The following CACNA1C variants were observed in gnomAD, a reference collection of about 807,000 sequenced individuals.
The protein encoded by CACNA1C is calcium voltage-gated channel subunit alpha1 C.
CACNA1C carries 30 observed loss-of-function variants against 229.0 expected under a neutral mutation model. The ratio of observed to expected loss-of-function variants is 0.13; its 90% CI spans 0.10 to 0.18. CACNA1C has a LOEUF of 0.18. Among genes scored for constraint, CACNA1C ranks in the 10% least tolerant of loss-of-function variants. The probability of loss-of-function intolerance (pLI) is 1.00; values close to 1 mark genes in which losing one functional copy is unlikely to be tolerated. For synonymous variants in CACNA1C, 1,114 were observed against 1,132.5 expected, an observed-to-expected ratio of 0.98 and a Z score of 0.33; for missense variants, 1,658 against 2,845.0, an observed-to-expected ratio of 0.58 and a Z score of 9.49.
intron 3 of CACNA1C, among the ~76,000 whole-genome samples, chr12:2,136,640 T>A (rs1375469691): frequency 6.6e-6 from 1 of 151,066 alleles, no homozygotes; most frequent in Non-Finnish European, 1.5e-5. Context: ...GTCCCCAGGC[T>A]GGGTGGTGTC....
chr12:1,971,541 T>G lies in CACNA1C; in HGVS notation c.139+340T>G, dbSNP rs375737072. ...TTCCATATAGACTTCATGTCTGGAT[T>G]TTTTAGGTCCACAAAGACAAGGCAG... On this transcript the variant is annotated intron_variant, in intron 1 of 46. Coordinates refer to the CACNA1C transcript ENST00000682462. The surrounding 1 kb of genome is among the most constrained non-coding windows in gnomAD (Gnocchi z 4.2). 7.2e-5 allele frequency among the ~76,000 whole-genome samples: 11 copies of G among 152,342 alleles called. No individual in the cohort carries two copies. Among genetic ancestry groups the G allele is most frequent in the African/African-American group, 2.6e-4 (11 of 41,576 alleles).
At position 2,610,605 on chromosome 12, in the gene CACNA1C, A is replaced by G; in HGVS notation, c.3623A>G (p.His1208Arg). 6.2e-7 allele frequency: 1 copy of G among 1,614,142 alleles called. No homozygotes were observed. The highest frequency in any genetic ancestry group is 8.5e-7 in the Non-Finnish European group (1 of 1,180,000). ...PLRRYIPKNQHQYKVWYVVNS... is the reference protein window; with the variant it reads ...PLRRYIPKNQRQYKVWYVVNS... Reference sequence around the variant, plus strand: ...CGGAGGTACATCCCCAAGAACCAGCACCAGTACAAAGTGTGGTACGTGGTC... The same window carrying G: ...CGGAGGTACATCCCCAAGAACCAGCGCCAGTACAAAGTGTGGTACGTGGTC... Residue 1208 changes from histidine to arginine, a missense_variant, in exon 28 of 47, where the codon CAC (histidine) becomes CGC (arginine). Physicochemically the swap from His to Arg is conservative, Grantham distance 29. This residue lies in a region of CACNA1C where 67 missense variants were observed against 106.4 expected (regional missense o/e 0.63). Transcript: ENST00000399655.
intron 3 of CACNA1C, among the ~76,000 whole-genome samples, chr12:2,328,303 T>C (rs983520074): frequency 6.6e-6 from 1 of 152,236 alleles, no homozygotes; most frequent in African/African-American, 2.4e-5. Flanking sequence ...AGAGAGCTTC[T>C]GCCCAGTGAG....
intron 8 of CACNA1C, among the ~76,000 whole-genome samples, chr12:2,509,617 T>G (rs1413092745): frequency 6.6e-6 from 1 of 152,222 alleles, no homozygotes; most frequent in Non-Finnish European, 1.5e-5. Context: ...GCACGTGTTT[T>G]CTCTGTGCAG....
At chr12:2,571,058 C>T (rs117350122) in intron 13 of CACNA1C, among the ~76,000 whole-genome samples, 2 of 152,296 alleles carry the variant, frequency 1.3e-5, no homozygotes, top group East Asian at 1.9e-4. Flanking sequence ...CAGAGGCCTA[C>T]GAATGTTAGC....
chr12:2,052,204 AC>A (rs1283748722), upstream of CACNA1C, among the ~76,000 whole-genome samples: 1 of 152,142 alleles, frequency 6.6e-6, no homozygotes, highest in Non-Finnish European at 1.5e-5. Context: ...CTAGTAGAAC[AC>A]GTGCTCGGCT....
intron 3 of CACNA1C, among the ~76,000 whole-genome samples, chr12:2,313,006 C>G (rs1446591783): frequency 2.6e-5 from 4 of 152,138 alleles, no homozygotes; most frequent in Non-Finnish European, 4.4e-5. Flanking sequence ...GTGTCTATGT[C>G]TTCATCTGAG....
intron 3 of CACNA1C, among the ~76,000 whole-genome samples, chr12:2,309,804 A>G (rs551663524): frequency 1.2e-3 from 177 of 152,320 alleles, no homozygotes; most frequent in Middle Eastern, 6.8e-3. Flanking sequence ...CCTTCTGGCG[A>G]CTTACAGTCC....
At position 2,034,232 on chromosome 12, in the gene CACNA1C, G is replaced by C. The variant is rs1004078756; in HGVS notation, c.139+63031G>C. On this transcript the variant is annotated intron_variant, in intron 1 of 46. Transcript: ENST00000682462. This position sits in a 1 kb window ranked among gnomAD's most constrained non-coding sequence, Gnocchi z 4.1. ...GCCCAAACTCACATGCTTAGTGTGG[G>C]AAAGTTAAGATTTTGCCACATCCAA... Among the ~76,000 whole-genome samples, 1 of 152,224 alleles carries C rather than the reference G, an allele frequency of 6.6e-6. No individual in the cohort carries two copies. Among genetic ancestry groups the C allele is most frequent in the Non-Finnish European group, 1.5e-5 (1 of 68,040 alleles).
rs146406275 is a variant in CACNA1C, at chr12:2,164,250, G to A, written c.477+43820G>A. 2.4e-4 allele frequency among the ~76,000 whole-genome samples: 36 copies of A among 152,356 alleles called. No individual in the cohort carries two copies. The East Asian group carries it at 6.9e-3, about 29-fold the overall frequency. On this transcript the variant is annotated intron_variant, in intron 3 of 46. Transcript: ENST00000399655. ...TTCTTTGGGGCCAGACACTGGGTCT[G>A]CTTTCCTTCCTCTCTCACAGTGCCT...
Position 2,646,145 on chromosome 12 carries a change from TAAATA to T in CACNA1C, c.3913-2327_3913-2323del, listed in dbSNP as rs1438725948. Among the ~76,000 whole-genome samples, 2 of 152,212 alleles carry T rather than the reference TAAATA, an allele frequency of 1.3e-5. No individual in the cohort carries two copies. The highest frequency in any genetic ancestry group is 2.9e-5 in the Non-Finnish European group (2 of 68,040). The stretch of plus-strand genomic sequence containing the variant: ...TCAAGTCTTGAAGTGAAATATGACT[TAAATA>T]AATGAGGTCTTAAATGGGAGCTATA... On this transcript the variant is annotated intron_variant, in intron 30 of 46. Transcript: ENST00000399655. This position sits in a 1 kb window ranked among gnomAD's most constrained non-coding sequence, Gnocchi z 4.6.
intron 3 of CACNA1C, among the ~76,000 whole-genome samples, chr12:2,196,256 A>C (rs1312680599): frequency 2.6e-5 from 4 of 152,114 alleles, no homozygotes; most frequent in Non-Finnish European, 5.9e-5. Flanking sequence ...TCTGGCCTGG[A>C]TACTTGTGAT....
intron 7 of CACNA1C, among the ~76,000 whole-genome samples, chr12:2,502,288 C>G (rs533360792): frequency 6.6e-6 from 1 of 152,242 alleles, no homozygotes; most frequent in East Asian, 1.9e-4. Flanking sequence ...AGCTGAGGAC[C>G]TACTATGTGC....
chr12:2,675,782 T>C (rs1469409136), intron 39 of CACNA1C, among the ~76,000 whole-genome samples: 1 of 152,176 alleles, frequency 6.6e-6, no homozygotes, highest in South Asian at 2.1e-4. Flanking sequence ...TTGAGAGCCA[T>C]GCAGAGTGCA....
chr12:2,277,272 TG>T (rs1364783757), intron 3 of CACNA1C, among the ~76,000 whole-genome samples: 1 of 152,116 alleles, frequency 6.6e-6, no homozygotes, highest in East Asian at 1.9e-4. Flanking sequence ...TTCTTATAGT[TG>T]TTTCTAGCAA....
intron 1 of CACNA1C, among the ~76,000 whole-genome samples, chr12:2,007,035 C>A (rs1334291578): frequency 6.6e-6 from 1 of 152,138 alleles, no homozygotes; most frequent in African/African-American, 2.4e-5. Flanking sequence ...TGTTACTGAC[C>A]TCTTTGCTCT....
chr12:2,183,076 T>C (rs1250997424), intron 3 of CACNA1C, among the ~76,000 whole-genome samples: 1 of 152,204 alleles, frequency 6.6e-6, no homozygotes. Flanking sequence ...TCTCACTATG[T>C]TGACCAGGCT....
chr12:2,038,373 G>A (rs1170127801), intron 1 of CACNA1C, among the ~76,000 whole-genome samples: 1 of 152,162 alleles, frequency 6.6e-6, no homozygotes, highest in African/African-American at 2.4e-5. Context: ...TGCTATGTGG[G>A]TGACTACTTA....
At chr12:2,280,471 CGGTTT>C (rs2090812530) in intron 3 of CACNA1C, among the ~76,000 whole-genome samples, 3 of 80,316 alleles carry the variant, frequency 3.7e-5, no homozygotes, top group African/African-American at 1.5e-4. Flanking sequence ...TGCTGTGCTT[CGGTTT>C]AACCTCTTGA....
Sources: gnomAD v4.1 joint callset for allele counts (sites outside exome capture counted in the v4.1 genomes callset) on GRCh38, gnomAD v4.1.1 for gene constraint, gnomAD v4.1.1 regional missense constraint, Gnocchi (gnomAD v3.1) non-coding constraint, MANE v1.5 for transcripts, NCBI Gene and HGNC (gene_info 2026-07-23, HGNC 2026-07-21) for gene names.